The following SPMIP11 variants were observed in gnomAD, a reference collection of about 807,000 sequenced individuals.
The protein encoded by SPMIP11 is sperm microtubule inner protein 11.
At chr12:48,729,745 T>A in the SPMIP11 span, among the ~76,000 whole-genome samples, 1 of 151,538 alleles carries the variant, frequency 6.6e-6, no homozygotes, top group African/African-American at 2.4e-5. Context: ...AAGAACAATC[T>A]TACACAGGCC....
chr12:48,764,804 A>G, the SPMIP11 span: 1 of 695,728 alleles, frequency 1.4e-6, no homozygotes, highest in Non-Finnish European at 2.6e-6. Flanking sequence ...CAGTGAGCAG[A>G]GAACTTGAAG....
chr12:48,770,709 C>T, the SPMIP11 span: 1 of 1,564,702 alleles, frequency 6.4e-7, no homozygotes, highest in Non-Finnish European at 8.8e-7. Context: ...GCCTATAATC[C>T]CAGCTTCACC....
the SPMIP11 span, among the ~76,000 whole-genome samples, chr12:48,733,876 T>G: frequency 2.0e-5 from 3 of 147,454 alleles, no homozygotes; most frequent in African/African-American, 7.4e-5. Context: ...GTTCAAGCGA[T>G]TCTCCTGCCT....
chr12:48,752,393 A>C, the SPMIP11 span, among the ~76,000 whole-genome samples: 1 of 152,114 alleles, frequency 6.6e-6, no homozygotes, highest in Non-Finnish European at 1.5e-5. Flanking sequence ...TGGTCAACTC[A>C]CTACCCACAG....
the SPMIP11 span, among the ~76,000 whole-genome samples, chr12:48,733,653 G>A: frequency 6.6e-6 from 1 of 151,212 alleles, no homozygotes; most frequent in Non-Finnish European, 1.5e-5. Context: ...AATATATAGT[G>A]TATATAGAGT....
the SPMIP11 span, among the ~76,000 whole-genome samples, chr12:48,757,370 G>T: frequency 6.6e-6 from 1 of 152,128 alleles, no homozygotes; most frequent in Admixed American, 6.6e-5. Context: ...AATATTGGCT[G>T]GGCGCAGTGC....
chr12:48,770,551 C>T, the SPMIP11 span, among the ~76,000 whole-genome samples: 10 of 152,210 alleles, frequency 6.6e-5, no homozygotes, highest in African/African-American at 2.2e-4. Context: ...CAATGAAAGG[C>T]GATAATAGTA....
At chr12:48,739,055 T>C in the SPMIP11 span, among the ~76,000 whole-genome samples, 1 of 152,192 alleles carries the variant, frequency 6.6e-6, no homozygotes, top group African/African-American at 2.4e-5. Context: ...CTTTTCTCCA[T>C]GAATATATAC....
chr12:48,768,625 G>A, the SPMIP11 span: 1 of 1,614,102 alleles, frequency 6.2e-7, no homozygotes, highest in South Asian at 1.1e-5. Flanking sequence ...GAAGTAGGTG[G>A]TCATCTCCCC....
the SPMIP11 span, among the ~76,000 whole-genome samples, chr12:48,754,237 CA>C: frequency 4.6e-5 from 7 of 151,518 alleles, no homozygotes; most frequent in African/African-American, 9.7e-5. Flanking sequence ...CCTTTCTCTA[CA>C]AAAAAAAATT....
At chr12:48,753,708 T>C in the SPMIP11 span, among the ~76,000 whole-genome samples, 1 of 145,528 alleles carries the variant, frequency 6.9e-6, no homozygotes, top group Admixed American at 6.8e-5. Flanking sequence ...TTTTTTTTTT[T>C]TTTTCTTTTT....
At chr12:48,739,540 C>T in the SPMIP11 span, among the ~76,000 whole-genome samples, 12 of 152,156 alleles carry the variant, frequency 7.9e-5, no homozygotes, top group African/African-American at 2.7e-4. Context: ...AGATGTTTAA[C>T]TGTCCCATGG....
the SPMIP11 span, chr12:48,767,148 G>T: frequency 6.5e-6 from 1 of 152,676 alleles, no homozygotes; most frequent in South Asian, 2.1e-4. Context: ...AGCATACCAT[G>T]TCCCAGGACA....
At chr12:48,749,135 G>A in the SPMIP11 span, among the ~76,000 whole-genome samples, 5 of 151,922 alleles carry the variant, frequency 3.3e-5, no homozygotes, top group South Asian at 4.1e-4. Flanking sequence ...GGTGGTGCAC[G>A]CCTGTAGTCC....
the SPMIP11 span, chr12:48,769,083 G>A: frequency 6.3e-7 from 1 of 1,596,254 alleles, no homozygotes; most frequent in South Asian, 1.1e-5. Context: ...AGAACAGCAA[G>A]AGACTAGTGG....
the SPMIP11 span, among the ~76,000 whole-genome samples, chr12:48,762,858 A>C: frequency 2.0e-5 from 3 of 152,110 alleles, no homozygotes; most frequent in Admixed American, 1.3e-4. Flanking sequence ...TGTAAGCTGT[A>C]ACCATTGTGG....
chr12:48,765,570 G>T, the SPMIP11 span: 1 of 702,758 alleles, frequency 1.4e-6, no homozygotes, highest in Non-Finnish European at 2.6e-6. Flanking sequence ...CTCCAGCCTG[G>T]CCTGGCTGAA....
the SPMIP11 span, chr12:48,768,810 C>G: frequency 1.9e-6 from 3 of 1,559,626 alleles, no homozygotes; most frequent in Non-Finnish European, 2.6e-6. Flanking sequence ...AGCTCCCTTC[C>G]CCCAGTCCCT....
the SPMIP11 span, among the ~76,000 whole-genome samples, chr12:48,728,669 C>T: frequency 1.5e-5 from 2 of 136,132 alleles, no homozygotes; most frequent in South Asian, 4.7e-4. Flanking sequence ...AATCGAGCCA[C>T]TGCACTCCAG....
Sources: allele counts gnomAD v4.1 joint callset (sites outside exome capture counted in the v4.1 genomes callset), GRCh38; gene constraint gnomAD v4.1.1; transcripts MANE v1.5; gene names NCBI Gene and HGNC (gene_info 2026-07-23, HGNC 2026-07-21).